Variants in OR6B3 observed in about 807,000 individuals in gnomAD.
OR6B3 encodes the protein olfactory receptor family 6 subfamily B member 3.
For synonymous variants in OR6B3, 148 were observed against 187.8 expected (o/e 0.79, Z 1.73); for missense variants, 315 against 427.4 (o/e 0.74, Z 2.32).
chr2:240,045,135 T>C, exon 2 of OR6B3: 1 of 1,613,738 alleles, frequency 6.2e-7, no homozygotes, highest in Non-Finnish European at 8.5e-7. Context: ...AAGCCTCCCC[T>C]CTACGGCGCA....
chr2:240,048,268 T>C (rs2106527735), upstream of OR6B3, among the ~76,000 whole-genome samples: 1 of 152,288 alleles, frequency 6.6e-6, no homozygotes, highest in African/African-American at 2.4e-5. Context: ...GTCGTAGAAC[T>C]GTGTAAAGTG....
At chr2:240,046,225 G>A in intron 1 of OR6B3, 128 bp from the exon 3 acceptor site, 3 of 624,762 alleles carry the variant, frequency 4.8e-6, no homozygotes, top group Admixed American at 2.9e-5. Flanking sequence ...GCACCAGTGG[G>A]GAGCAAAAGC....
intron 1 of OR6B3, among the ~76,000 whole-genome samples, chr2:240,046,387 G>C (rs1176499913): frequency 6.6e-6 from 1 of 152,110 alleles, no homozygotes; most frequent in Non-Finnish European, 1.5e-5. Context: ...TCACCACCTG[G>C]ACTTCTCCAA....
chr2:240,051,398 C>T (rs925000312), upstream of OR6B3, among the ~76,000 whole-genome samples: 2 of 152,154 alleles, frequency 1.3e-5, no homozygotes, highest in African/African-American at 4.8e-5. Flanking sequence ...ACAGAAAGCT[C>T]AACAGCATCA....
upstream of OR6B3, among the ~76,000 whole-genome samples, chr2:240,048,014 C>T (rs574412851): frequency 5.3e-5 from 8 of 152,094 alleles, no homozygotes; most frequent in South Asian, 4.2e-4. Context: ...TCTGTTAGAG[C>T]ATGAATAAGT....
the OR6B3 span, among the ~76,000 whole-genome samples, chr2:240,053,022 C>T: frequency 6.6e-5 from 10 of 152,104 alleles, no homozygotes; most frequent in Non-Finnish European, 1.2e-4. This position sits in a 1 kb window ranked among gnomAD's most constrained non-coding sequence, Gnocchi z 4.1. Context: ...AGGCTGGTCT[C>T]GAACTCTTGA....
chr2:240,052,448 C>A, the OR6B3 span, among the ~76,000 whole-genome samples: 1 of 152,010 alleles, frequency 6.6e-6, no homozygotes, highest in East Asian at 1.9e-4. This position sits in a 1 kb window ranked among gnomAD's most constrained non-coding sequence, Gnocchi z 4.5. Context: ...ATAACGAGCA[C>A]CACCATAAAG....
chr2:240,046,844 A>T (rs1698198470), intron 1 of OR6B3, 108 bp downstream of exon 2: 2 of 152,274 alleles, frequency 1.3e-5, no homozygotes, highest in South Asian at 2.1e-4. Context: ...GTATTTTTAT[A>T]TAAAACACAT....
upstream of OR6B3, among the ~76,000 whole-genome samples, chr2:240,048,365 G>A (rs770459105): frequency 1.8e-4 from 28 of 152,212 alleles, no homozygotes; most frequent in South Asian, 1.0e-3. Context: ...TGCTGTGGCC[G>A]TCCTCTGGGC....
At chr2:240,050,752 GAGACAAATAA>G (rs1698248181), upstream of OR6B3, among the ~76,000 whole-genome samples, 2 of 126,468 alleles carry the variant, frequency 1.6e-5, no homozygotes, top group African/African-American at 2.8e-5. Flanking sequence ...AAAAAAAAAA[GAGACAAATAA>G]AGTAGCAGCA....
upstream of OR6B3, among the ~76,000 whole-genome samples, chr2:240,052,010 A>G (rs1698260312): frequency 6.6e-6 from 1 of 152,224 alleles, no homozygotes; most frequent in Admixed American, 6.5e-5. This position sits in a 1 kb window ranked among gnomAD's most constrained non-coding sequence, Gnocchi z 4.5. Flanking sequence ...TAGCTACCAC[A>G]GAACAGAATA....
At chr2:240,048,323 C>T (rs1698218564), upstream of OR6B3, among the ~76,000 whole-genome samples, 1 of 152,122 alleles carries the variant, frequency 6.6e-6, no homozygotes, top group Non-Finnish European at 1.5e-5. Flanking sequence ...ACCTGGAATG[C>T]CCCCCAGCCC....
At chr2:240,050,135 A>G (rs1574920381), upstream of OR6B3, among the ~76,000 whole-genome samples, 1 of 152,160 alleles carries the variant, frequency 6.6e-6, no homozygotes, top group East Asian at 1.9e-4. Context: ...CTCACCTGGT[A>G]AAAGGAAAAA....
exon 2 of OR6B3, chr2:240,045,578 G>A (rs778820008): frequency 5.5e-5 from 84 of 1,540,916 alleles, no homozygotes; most frequent in Non-Finnish European, 6.6e-5. Flanking sequence ...AGAACGTGAC[G>A]CTGGAGATAA....
At chr2:240,052,355 A>G in the OR6B3 span, among the ~76,000 whole-genome samples, 1 of 152,188 alleles carries the variant, frequency 6.6e-6, no homozygotes, top group East Asian at 1.9e-4. The surrounding 1 kb of genome is among the most constrained non-coding windows in gnomAD (Gnocchi z 4.5). Flanking sequence ...AAAGAGAAGC[A>G]GGTTAATGAA....
At chr2:240,050,231 C>A (rs1255232339), upstream of OR6B3, among the ~76,000 whole-genome samples, 1 of 152,196 alleles carries the variant, frequency 6.6e-6, no homozygotes, top group Admixed American at 6.5e-5. Flanking sequence ...CGACAAAAAA[C>A]TTCAACTCAG....
At chr2:240,045,357 A>G (rs533336502) in exon 2 of OR6B3, 340 of 1,614,142 alleles carry the variant, frequency 2.1e-4, no homozygotes, top group East Asian at 8.5e-4. Context: ...GGCGCAGGTG[A>G]AGAAGGCTCT....
upstream of OR6B3, among the ~76,000 whole-genome samples, chr2:240,050,995 A>G (rs1007608811): frequency 1.9e-4 from 29 of 152,210 alleles, no homozygotes; most frequent in Admixed American, 1.2e-3. Context: ...GCAGAATCAC[A>G]GATAACACAT....
chr2:240,046,793 C>A (rs1269208935), intron 1 of OR6B3, among the ~76,000 whole-genome samples, 159 bp downstream of exon 2: 5 of 152,118 alleles, frequency 3.3e-5, no homozygotes, highest in Admixed American at 6.5e-5. Context: ...TCTCGAGGGG[C>A]CTGTGGCTGA....
Sources: gnomAD v4.1 joint callset for allele counts (sites outside exome capture counted in the v4.1 genomes callset) on GRCh38, gnomAD v4.1.1 for gene constraint, Gnocchi (gnomAD v3.1) non-coding constraint, MANE v1.5 for transcripts, NCBI Gene and HGNC (gene_info 2026-07-23, HGNC 2026-07-21) for gene names.